CPM: variants seen among roughly 807,000 people sequenced by gnomAD.
The protein encoded by CPM is renal carboxypeptidase.
A neutral mutation model predicts 46.4 loss-of-function variants in CPM; 35 were observed. The ratio of observed to expected loss-of-function variants is 0.75; its 90% CI spans 0.58 to 1.00. CPM has a LOEUF of 1.00. Among genes scored for constraint, CPM ranks in the 50% least tolerant of loss-of-function variants. The pLI, the probability that CPM is intolerant of heterozygous loss-of-function variation, is 0.00. For synonymous variants in CPM, 195 were observed against 195.3 expected (o/e 1.00, Z 0.01); for missense variants, 422 against 530.4 (o/e 0.80, Z 2.01).
intron 1 of CPM, among the ~76,000 whole-genome samples, chr12:68,948,707 A>T (rs953606330): frequency 1.3e-5 from 2 of 152,240 alleles, no homozygotes; most frequent in Non-Finnish European, 2.9e-5. Flanking sequence ...TCTCAGTAAT[A>T]CGAGAAATTG....
chr12:68,934,443 A>G (rs1372999523), upstream of CPM, among the ~76,000 whole-genome samples: 2 of 151,860 alleles, frequency 1.3e-5, no homozygotes, highest in Non-Finnish European at 2.9e-5. Context: ...CGCACTCAGG[A>G]CTCCCTGAGA....
intron 2 of CPM, among the ~76,000 whole-genome samples, chr12:68,903,502 A>G (rs1358139472): frequency 2.0e-5 from 3 of 152,228 alleles, no homozygotes; most frequent in Non-Finnish European, 4.4e-5. Context: ...ATTAACTTGC[A>G]TCTCAGATCA....
At chr12:68,885,985 C>A in intron 2 of CPM, 96 bp from the exon 3 acceptor site, 3 of 946,998 alleles carry the variant, frequency 3.2e-6, no homozygotes, top group Non-Finnish European at 4.9e-6. Flanking sequence ...CTGCTTCCCC[C>A]ACTTGATCGC....
chr12:68,924,711 T>C (rs1222797471), intron 2 of CPM, among the ~76,000 whole-genome samples: 1 of 152,230 alleles, frequency 6.6e-6, no homozygotes. Flanking sequence ...TGCATCACAA[T>C]AGGCATTTTA....
chr12:68,926,627 A>G (rs1888272022), intron 2 of CPM, among the ~76,000 whole-genome samples: 1 of 152,034 alleles, frequency 6.6e-6, no homozygotes, highest in Non-Finnish European at 1.5e-5. Context: ...TTAGTTACAT[A>G]TGTATACATG....
intron 7 of CPM, among the ~76,000 whole-genome samples, chr12:68,865,877 G>A (rs1167255215): frequency 6.6e-6 from 1 of 152,188 alleles, no homozygotes; most frequent in Non-Finnish European, 1.5e-5. Flanking sequence ...TATAGCCGCT[G>A]GACCAGCAGC....
At chr12:68,919,484 C>A (rs2136303969) in intron 2 of CPM, among the ~76,000 whole-genome samples, 1 of 152,318 alleles carries the variant, frequency 6.6e-6, no homozygotes, top group Non-Finnish European at 1.5e-5. Flanking sequence ...CTGGGATTTA[C>A]TTCCAAGCAA....
chr12:68,886,633 AAAATAAAT>A (rs566833447), intron 2 of CPM, among the ~76,000 whole-genome samples: 1 of 152,162 alleles, frequency 6.6e-6, no homozygotes, highest in East Asian at 1.9e-4. Flanking sequence ...CTCCGTCTCA[AAAATAAAT>A]AAATAAATAA....
At chr12:68,935,401 C>T (rs1334347022), upstream of CPM, among the ~76,000 whole-genome samples, 2 of 152,132 alleles carry the variant, frequency 1.3e-5, no homozygotes, top group African/African-American at 2.4e-5. Flanking sequence ...CCTGGGATTA[C>T]AGGCACGCAT....
chr12:68,941,170 CGTGTGT>C (rs370705580), intron 1 of CPM, among the ~76,000 whole-genome samples: 42 of 140,602 alleles, frequency 3.0e-4, no homozygotes, highest in Admixed American at 4.3e-4. Flanking sequence ...GTGCTGAGTA[CGTGTGT>C]GTGTGTGTGT....
chr12:68,909,708 C>T (rs2136289839), intron 2 of CPM, among the ~76,000 whole-genome samples: 1 of 152,014 alleles, frequency 6.6e-6, no homozygotes, highest in Admixed American at 6.6e-5. Flanking sequence ...AGCTGGAAAC[C>T]ATCATTCTCA....
At chr12:68,941,170 C>CGTGTGTGTGTGTGTGTGTGTGT (rs370705580) in intron 1 of CPM, among the ~76,000 whole-genome samples, 1 of 140,504 alleles carries the variant, frequency 7.1e-6, no homozygotes, top group Non-Finnish European at 1.5e-5. Flanking sequence ...GTGCTGAGTA[C>CGTGTGTGTGTGTGTGTGTGTGT]GTGTGTGTGT....
intron 2 of CPM, among the ~76,000 whole-genome samples, chr12:68,898,867 GT>G (rs1886999005): frequency 6.6e-6 from 1 of 152,308 alleles, no homozygotes; most frequent in Admixed American, 6.5e-5. Flanking sequence ...TCATGGGGTT[GT>G]TGTGCTATCT....
At chr12:68,879,306 C>T (rs1046144721) in intron 3 of CPM, among the ~76,000 whole-genome samples, 1 of 152,138 alleles carries the variant, frequency 6.6e-6, no homozygotes, top group Non-Finnish European at 1.5e-5. Flanking sequence ...GGGTTTGAAC[C>T]CAGGCTCTGA....
chr12:68,955,470 T>G (rs1888999606), intron 1 of CPM, among the ~76,000 whole-genome samples: 1 of 151,486 alleles, frequency 6.6e-6, no homozygotes, highest in South Asian at 2.1e-4. Flanking sequence ...TCTCTTCTTC[T>G]TGTTGCTTAC....
intron 7 of CPM, among the ~76,000 whole-genome samples, chr12:68,866,242 A>G (rs1355089869): frequency 6.6e-6 from 1 of 152,198 alleles, no homozygotes; most frequent in Non-Finnish European, 1.5e-5. Context: ...ATGGGAGATG[A>G]TGTAACAGAG....
At chr12:68,921,643 T>C (rs1289695003) in intron 2 of CPM, among the ~76,000 whole-genome samples, 2 of 152,214 alleles carry the variant, frequency 1.3e-5, no homozygotes, top group Admixed American at 6.5e-5. Flanking sequence ...GGCCTTCTCC[T>C]ACATGCCAGT....
In CPM at chr12:68,853,237, T is replaced by C. The variant is rs1215299074; in HGVS notation, c.*3200A>G. 1 of 152,212 alleles carries C rather than the reference T, an allele frequency of 6.6e-6. No individual in the cohort carries two copies. The highest frequency in any genetic ancestry group is 1.9e-4 in the East Asian group (1 of 5,206). 9.4% of individuals were successfully genotyped at this position (152,212 alleles called of 1,614,324 possible). On this transcript the variant is annotated 3_prime_UTR_variant, in exon 9 of 9. Coordinates refer to ENST00000551568, the MANE Select transcript of CPM (RefSeq NM_198320.5). ...AGAAAAGTTAGAATTCAATGCCCAGTTGAAAAATTGCTTGGGGCTTGATAG... is the reference window on the plus strand; with the variant it reads ...AGAAAAGTTAGAATTCAATGCCCAGCTGAAAAATTGCTTGGGGCTTGATAG...
At chr12:68,943,562 G>A (rs1888797249) in intron 1 of CPM, among the ~76,000 whole-genome samples, 3 of 152,130 alleles carry the variant, frequency 2.0e-5, no homozygotes, top group Non-Finnish European at 4.4e-5. Context: ...CAATTACAAA[G>A]CAATTGTTAC....
Sources: gnomAD v4.1 joint callset for allele counts (sites outside exome capture counted in the v4.1 genomes callset) on GRCh38, gnomAD v4.1.1 for gene constraint, MANE v1.5 for transcripts, NCBI Gene and HGNC (gene_info 2026-07-23, HGNC 2026-07-21) for gene names.